The following COLGALT2 variants were observed in gnomAD, a reference collection of about 807,000 sequenced individuals.
The protein encoded by COLGALT2 is collagen beta(1-O)galactosyltransferase 2, also known as procollagen galactosyltransferase 2.
COLGALT2 carries 49 observed loss-of-function variants against 73.4 expected under a neutral mutation model. The ratio of observed to expected loss-of-function variants is 0.67; its 90% CI spans 0.53 to 0.85. The LOEUF (loss-of-function observed/expected upper bound fraction) is 0.85, where lower values mean the gene tolerates loss of function less well. Among genes scored for constraint, COLGALT2 ranks in the 40% least tolerant of loss-of-function variants. The probability of loss-of-function intolerance (pLI) is 0.00; values close to 1 mark genes in which losing one functional copy is unlikely to be tolerated. For missense variants in COLGALT2, 722 were observed against 790.2 expected, an observed-to-expected ratio of 0.91 and a Z score of 1.03; for synonymous variants, 295 against 307.6, an observed-to-expected ratio of 0.96 and a Z score of 0.43.
At chr1:184,033,757 T>C (rs1461882584) in intron 1 of COLGALT2, among the ~76,000 whole-genome samples, 1 of 152,212 alleles carries the variant, frequency 6.6e-6, no homozygotes, top group Non-Finnish European at 1.5e-5. Flanking sequence ...ATGTGATCAA[T>C]AAGCCAGGTC....
intron 8 of COLGALT2, among the ~76,000 whole-genome samples, chr1:183,949,481 C>T (rs560408681): frequency 4.3e-4 from 65 of 152,242 alleles, no homozygotes; most frequent in Non-Finnish European, 5.4e-4. Flanking sequence ...ACGAGGGAAA[C>T]GAAAGTCTTT....
rs1026503715 is a variant in COLGALT2, at chr1:183,937,925, C to T, written c.*836G>A. ...GAAGCTCTGTAGCAGCGCGCAAACC[C>T]GGGACAGGGCAGGATGCACAGCCAG... On this transcript the variant is annotated 3_prime_UTR_variant, in exon 12 of 12. Coordinates refer to ENST00000361927, the MANE Select transcript of COLGALT2 (RefSeq NM_015101.4). The T allele has an allele frequency of 2.0e-6, 2 of 985,236 alleles. No individual in the cohort carries two copies. The highest frequency in any genetic ancestry group is 3.5e-5 in the African/African-American group (2 of 57,184). 61.0% of individuals were successfully genotyped at this position (985,236 alleles called of 1,614,324 possible). A position where few individuals can be genotyped will look rare whatever the true frequency, so the allele number is the denominator to read the frequency against.
chr1:183,930,148 G>A, exon 12 of COLGALT2: 1 of 454,204 alleles, frequency 2.2e-6, no homozygotes, highest in Non-Finnish European at 4.4e-6. Context: ...GGGAAATGCA[G>A]GAGAAACCTG....
At chr1:184,003,273 G>T (rs1217313243) in intron 1 of COLGALT2, among the ~76,000 whole-genome samples, 1 of 152,176 alleles carries the variant, frequency 6.6e-6, no homozygotes, top group Non-Finnish European at 1.5e-5. Flanking sequence ...GATTTCCAAG[G>T]CTAAGTCAGA....
intron 1 of COLGALT2, among the ~76,000 whole-genome samples, chr1:184,021,555 C>T (rs1345244418): frequency 2.0e-5 from 3 of 152,126 alleles, no homozygotes; most frequent in Non-Finnish European, 2.9e-5. Flanking sequence ...GCAAAAAGGC[C>T]GTCGCCAGAT....
Position 183,937,196 on chromosome 1 carries a change from A to G in COLGALT2, c.*1565T>C. 1 of 1,222,340 alleles carries G rather than the reference A, an allele frequency of 8.2e-7. No individual in the cohort carries two copies. Among genetic ancestry groups the G allele is most frequent in the East Asian group, 3.2e-5 (1 of 30,998 alleles). 75.7% of individuals were successfully genotyped at this position (1,222,340 alleles called of 1,614,324 possible). On this transcript the variant is annotated 3_prime_UTR_variant, in exon 12 of 12. Transcript: ENST00000361927. Reference sequence around the variant, plus strand: ...CCCCATGAGTTTAAGTGTGAAGCTCAGGGTTTGGGGTGTGCACGGCCCCCC... The same window carrying G: ...CCCCATGAGTTTAAGTGTGAAGCTCGGGGTTTGGGGTGTGCACGGCCCCCC...
At chr1:183,994,342 C>T (rs969278882) in intron 1 of COLGALT2, among the ~76,000 whole-genome samples, 62 of 152,088 alleles carry the variant, frequency 4.1e-4, no homozygotes, top group African/African-American at 1.1e-3. Flanking sequence ...CTGGCCTCTC[C>T]TTTAATTCTT....
At chr1:184,022,964 C>T (rs1649222719) in intron 1 of COLGALT2, among the ~76,000 whole-genome samples, 1 of 152,126 alleles carries the variant, frequency 6.6e-6, no homozygotes, top group Non-Finnish European at 1.5e-5. Flanking sequence ...AGAGTATCAG[C>T]TGAATAGCCA....
At position 183,935,864 on chromosome 1, in the gene COLGALT2, A is replaced by G. The variant is rs542986045; in HGVS notation, c.*2897T>C. 2 of 985,448 alleles carry G rather than the reference A, an allele frequency of 2.0e-6. No individual in the cohort carries two copies. The highest frequency in any genetic ancestry group is 9.4e-5 in the South Asian group (2 of 21,284). 61.0% of individuals were successfully genotyped at this position (985,448 alleles called of 1,614,324 possible). On this transcript the variant is annotated 3_prime_UTR_variant, in exon 12 of 12. Coordinates refer to ENST00000361927, the MANE Select transcript of COLGALT2 (RefSeq NM_015101.4). ...GCTAAGTTTTTTTTTAATTTTTCAC[A>G]AAGAGCTCCAGAAGGCAAATAGTTT... is the stretch of plus-strand genomic sequence containing the variant.
intron 1 of COLGALT2, among the ~76,000 whole-genome samples, chr1:184,019,975 G>A (rs985800413): frequency 1.3e-5 from 2 of 152,198 alleles, no homozygotes; most frequent in East Asian, 1.9e-4. Flanking sequence ...AACCTGTGCT[G>A]TAAGTAAGAA....
intron 1 of COLGALT2, among the ~76,000 whole-genome samples, chr1:183,999,363 T>C (rs1379137898): frequency 6.6e-6 from 1 of 152,146 alleles, no homozygotes; most frequent in Non-Finnish European, 1.5e-5. Context: ...GGTTTATTAG[T>C]ACTTTGCTTA....
chr1:183,950,793 A>G lies in COLGALT2; in HGVS notation c.1136+214T>C, dbSNP rs189404174. 1.7e-3 allele frequency among the ~76,000 whole-genome samples: 262 copies of G among 152,326 alleles called. 1 individual carries two copies. The highest frequency in any genetic ancestry group is 3.3e-3 in the Non-Finnish European group (224 of 68,020). ...ACATCCAATGTGAGCCTTCAGTGTA[A>G]TGAAGACCAAAGACCACTGGCTGGT... On this transcript the variant is annotated intron_variant, in intron 8 of 11. Transcript: ENST00000361927.
At chr1:183,999,874 A>G (rs761031074) in intron 1 of COLGALT2, among the ~76,000 whole-genome samples, 9 of 152,048 alleles carry the variant, frequency 5.9e-5, no homozygotes, top group Non-Finnish European at 1.3e-4. Context: ...ATAGAACCAT[A>G]TATTGGATTA....
rs553894022 is a variant in COLGALT2 at position 183,930,575 on chromosome 1, T to C, written c.1605-286A>G. Among the ~76,000 whole-genome samples, 291 of 140,418 alleles carry C rather than the reference T, an allele frequency of 2.1e-3. 2 individuals are homozygous for C. Among genetic ancestry groups the C allele is most frequent in the East Asian group, 4.6e-3 (23 of 5,012 alleles). 92.1% of individuals were successfully genotyped at this position (140,418 alleles called of 152,430 possible). On this transcript the variant is annotated intron_variant, in intron 11 of 11. Coordinates refer to the COLGALT2 transcript ENST00000649786. ...CTGCTAATTTTTTCTTTTTCTTTTT[T>C]TTTTTTTTTTTTTTTGTATTTTTTA...
intron 1 of COLGALT2, among the ~76,000 whole-genome samples, chr1:184,013,634 G>T (rs1374892637): frequency 3.3e-5 from 5 of 152,104 alleles, no homozygotes; most frequent in Non-Finnish European, 7.4e-5. Flanking sequence ...GCCATTCCAA[G>T]GTATACGGAT....
chr1:183,932,636 G>A (rs991138526), downstream of COLGALT2, among the ~76,000 whole-genome samples: 2 of 152,124 alleles, frequency 1.3e-5, no homozygotes, highest in African/African-American at 2.4e-5. Flanking sequence ...CTTGTTCCAC[G>A]GCTGGGGTCC....
chr1:184,032,210 T>C (rs564439395), intron 1 of COLGALT2, among the ~76,000 whole-genome samples: 13 of 152,162 alleles, frequency 8.5e-5, no homozygotes, highest in Non-Finnish European at 1.9e-4. Flanking sequence ...TAGTTTCCTA[T>C]ACTAATATTT....
intron 1 of COLGALT2, among the ~76,000 whole-genome samples, chr1:184,018,639 T>C (rs1306185132): frequency 6.6e-6 from 1 of 152,220 alleles, no homozygotes; most frequent in African/African-American, 2.4e-5. Context: ...AATTCTTTTT[T>C]TACCTTGAAA....
At chr1:183,982,353 C>T (rs865838037) in intron 1 of COLGALT2, among the ~76,000 whole-genome samples, 63 of 152,132 alleles carry the variant, frequency 4.1e-4, no homozygotes, top group African/African-American at 1.3e-3. Context: ...AAAAGTGCAA[C>T]GTCAGCAAAA....
Sources: allele counts gnomAD v4.1 joint callset (sites outside exome capture counted in the v4.1 genomes callset), GRCh38; gene constraint gnomAD v4.1.1; transcripts MANE v1.5; gene names NCBI Gene and HGNC (gene_info 2026-07-23, HGNC 2026-07-21).